The following SRGAP1 variants were observed in gnomAD, a reference collection of about 807,000 sequenced individuals.
The protein encoded by SRGAP1 is SLIT-ROBO Rho GTPase activating protein 1, also known as SLIT-ROBO Rho GTPase-activating protein 1.
A neutral mutation model predicts 121.9 loss-of-function variants in SRGAP1; 43 were observed. That is an observed-to-expected ratio of 0.35 (90% CI 0.28 to 0.46). The LOEUF (loss-of-function observed/expected upper bound fraction) is 0.46. Among genes scored for constraint, SRGAP1 ranks in the 20% least tolerant of loss-of-function variants. The probability of loss-of-function intolerance (pLI) is 1.00; values close to 1 mark genes in which losing one functional copy is unlikely to be tolerated. For missense variants in SRGAP1, 1,102 were observed against 1,350.9 expected (o/e 0.82, Z 2.89); for synonymous variants, 447 against 485.4 (o/e 0.92, Z 1.04).
chr12:64,119,323 C>CTT (rs1353551094), intron 18 of SRGAP1, among the ~76,000 whole-genome samples: 2 of 152,146 alleles, frequency 1.3e-5, no homozygotes, highest in African/African-American at 2.4e-5. Context: ...TAAAGCAACA[C>CTT]CTCTGCTTTG....
At chr12:64,138,989 C>T (rs996037083) in intron 21 of SRGAP1, among the ~76,000 whole-genome samples, 1 of 152,106 alleles carries the variant, frequency 6.6e-6, no homozygotes, top group African/African-American at 2.4e-5. Context: ...AAATTTAACA[C>T]CATCTAAAAA....
intron 4 of SRGAP1, among the ~76,000 whole-genome samples, chr12:64,029,130 T>C (rs572827630): frequency 3.9e-5 from 6 of 152,144 alleles, no homozygotes; most frequent in Non-Finnish European, 7.3e-5. Context: ...GGCTGTCTTT[T>C]AGGACAGTGC....
At chr12:63,960,321 G>A (rs79063539) in intron 1 of SRGAP1, among the ~76,000 whole-genome samples, 113 of 152,148 alleles carry the variant, frequency 7.4e-4, no homozygotes, top group African/African-American at 2.3e-3. Flanking sequence ...CAGCTCCATA[G>A]TGCTTCCCAT....
chr12:63,864,352 C>G (rs1466483910), intron 1 of SRGAP1, among the ~76,000 whole-genome samples: 1 of 152,104 alleles, frequency 6.6e-6, no homozygotes, highest in Non-Finnish European at 1.5e-5. Flanking sequence ...TCTCATAATA[C>G]CACGTCCCAT....
At chr12:64,118,090 T>A (rs1488904873) in intron 18 of SRGAP1, among the ~76,000 whole-genome samples, 2 of 152,192 alleles carry the variant, frequency 1.3e-5, no homozygotes, top group African/African-American at 4.8e-5. Flanking sequence ...CTGATTTCAG[T>A]TATTTTGGAT....
chr12:63,879,344 C>T (rs1305510518), intron 1 of SRGAP1: 2 of 152,160 alleles, frequency 1.3e-5, no homozygotes, highest in African/African-American at 2.4e-5. Flanking sequence ...GAAAAATGCA[C>T]CTCTGCATAC....
intron 3 of SRGAP1, among the ~76,000 whole-genome samples, chr12:63,995,940 A>T (rs558397580): frequency 6.6e-6 from 1 of 152,202 alleles, no homozygotes; most frequent in Non-Finnish European, 1.5e-5. Flanking sequence ...CATTTAAAAT[A>T]GGTTAATATT....
rs1465612857 is a variant in SRGAP1 at position 64,147,298 on chromosome 12, C to T, written c.*4626C>T. 2.5e-6 allele frequency: 1 copy of T among 395,456 alleles called. No homozygotes were observed. Among genetic ancestry groups the T allele is most frequent in the Non-Finnish European group, 4.5e-6 (1 of 224,672 alleles). The allele number at this position is 395,456 out of a possible 1,614,324, so 24.5% of individuals were successfully genotyped here. The stretch of plus-strand genomic sequence containing the variant: ...TCTGTAGTATGTACATGTGAAAGTG[C>T]CTTTCTATTTTAGAGGAGTTTTAGC... On this transcript the variant is annotated 3_prime_UTR_variant, in exon 22 of 22. Coordinates refer to ENST00000355086, the MANE Select transcript of SRGAP1 (RefSeq NM_020762.4).
intron 1 of SRGAP1, among the ~76,000 whole-genome samples, chr12:63,859,052 A>G (rs147195320): frequency 1.8e-3 from 281 of 152,348 alleles, no homozygotes; most frequent in African/African-American, 6.4e-3. Context: ...AAGATTTAAA[A>G]TGTATTGAAA....
intron 4 of SRGAP1, among the ~76,000 whole-genome samples, chr12:64,028,956 T>C (rs1322365167): frequency 6.6e-6 from 1 of 152,238 alleles, no homozygotes; most frequent in Non-Finnish European, 1.5e-5. Context: ...CATTTACTCA[T>C]TTATTCATTT....
chr12:63,979,274 A>G (rs1172694246), intron 1 of SRGAP1, among the ~76,000 whole-genome samples: 1 of 152,026 alleles, frequency 6.6e-6, no homozygotes, highest in African/African-American at 2.4e-5. Flanking sequence ...TCTTGACCTC[A>G]TAATCCACCT....
chr12:64,047,804 A>C (rs2035164447), intron 6 of SRGAP1, among the ~76,000 whole-genome samples: 1 of 152,168 alleles, frequency 6.6e-6, no homozygotes, highest in Non-Finnish European at 1.5e-5. Flanking sequence ...ACCAGAAAAT[A>C]CTATAAGCAA....
rs187620453 is a variant in SRGAP1 at position 64,026,005 on chromosome 12, G to A, written c.489+8993G>A. 7.2e-5 allele frequency among the ~76,000 whole-genome samples: 11 copies of A among 151,772 alleles called. No individual in the cohort carries two copies. In the East Asian group the frequency reaches 9.7e-4, roughly 13 times the overall value. Reference sequence around the variant, plus strand: ...TGATGCCAACTGCTTCCTACCTCCCGTTTATAGTTTCATTTTCTTTCTGAT... The same window carrying A: ...TGATGCCAACTGCTTCCTACCTCCCATTTATAGTTTCATTTTCTTTCTGAT... On this transcript the variant is annotated intron_variant, in intron 4 of 21. Transcript: ENST00000355086.
chr12:63,889,648 G>A (rs1024291661), intron 1 of SRGAP1, among the ~76,000 whole-genome samples: 2 of 152,134 alleles, frequency 1.3e-5, no homozygotes, highest in African/African-American at 2.4e-5. Context: ...GGTGGCTCAC[G>A]CCTGTAATCC....
chr12:63,850,184 T>G (rs1304143128), intron 1 of SRGAP1, among the ~76,000 whole-genome samples: 1 of 152,170 alleles, frequency 6.6e-6, no homozygotes, highest in Non-Finnish European at 1.5e-5. Flanking sequence ...CAACAAGGCC[T>G]TTACAGTGCC....
rs959744936 is a variant in SRGAP1 at position 64,159,326 on chromosome 12, G to C, written c.*16654G>C. On this transcript the variant is annotated 3_prime_UTR_variant, in exon 22 of 22. Transcript: ENST00000355086. ...ACTAAAAATACAAAATTAGCCAGGC[G>C]TGGTGGCGCATGCCTGTAATCCCAG... 4 of 152,630 alleles carry C rather than the reference G, an allele frequency of 2.6e-5. No individual in the cohort carries two copies. Among genetic ancestry groups the C allele is most frequent in the African/African-American group, 9.7e-5 (4 of 41,422 alleles). The allele number at this position is 152,630 out of a possible 1,614,324, so 9.5% of individuals were successfully genotyped here. A position where few individuals can be genotyped will look rare whatever the true frequency, so the allele number is the denominator to read the frequency against.
At chr12:63,890,595 C>T (rs142157044) in intron 1 of SRGAP1, among the ~76,000 whole-genome samples, 1 of 151,978 alleles carries the variant, frequency 6.6e-6, no homozygotes, top group African/African-American at 2.4e-5. Flanking sequence ...TGTGCCCAGC[C>T]CTCAGTTACT....
chr12:63,897,456 T>C (rs1321693092), intron 1 of SRGAP1, among the ~76,000 whole-genome samples: 3 of 152,222 alleles, frequency 2.0e-5, no homozygotes, highest in Non-Finnish European at 4.4e-5. Flanking sequence ...CAATGACTTT[T>C]ATTTGGCACA....
At chr12:63,986,427 A>AT (rs112213433) in intron 2 of SRGAP1, among the ~76,000 whole-genome samples, 3,215 of 144,724 alleles carry the variant, frequency 0.022, 99 homozygotes, top group African/African-American at 0.069. Flanking sequence ...CTATTCAGTA[A>AT]TTTTTTTTTT....
Sources: allele counts gnomAD v4.1 joint callset (sites outside exome capture counted in the v4.1 genomes callset), GRCh38; gene constraint gnomAD v4.1.1; transcripts MANE v1.5; gene names NCBI Gene and HGNC (gene_info 2026-07-23, HGNC 2026-07-21).